The following LRP1B variants were observed in gnomAD, a reference collection of about 807,000 sequenced individuals.
LRP1B encodes the protein LDL receptor related protein 1B.
Under a neutral mutation model 556.6 loss-of-function variants are expected in LRP1B, and 217 were observed. That is an observed-to-expected ratio of 0.39 (90% CI 0.35 to 0.44). The LOEUF is 0.44. Ranked by LOEUF, LRP1B falls within the 20% of genes least tolerant of loss-of-function variation. The probability of loss-of-function intolerance (pLI) is 1.00; values close to 1 mark genes in which losing one functional copy is unlikely to be tolerated. For missense variants in LRP1B, 5,053 were observed against 5,620.8 expected (o/e 0.90, Z 3.23); for synonymous variants, 2,047 against 1,865.8 (o/e 1.10, Z -2.50).
chr2:142,110,679 T>G (rs1046092846), intron 1 of LRP1B, among the ~76,000 whole-genome samples: 4 of 152,192 alleles, frequency 2.6e-5, no homozygotes, highest in Non-Finnish European at 1.5e-5. Flanking sequence ...ATTAATTATA[T>G]TCATACAATT....
intron 16 of LRP1B, among the ~76,000 whole-genome samples, chr2:140,991,522 A>T (rs1697091961): frequency 6.6e-6 from 1 of 152,096 alleles, no homozygotes; most frequent in African/African-American, 2.4e-5. Context: ...TGCCTCACTT[A>T]TCTAATCACC....
chr2:141,601,400 G>A (rs944583278), intron 2 of LRP1B, among the ~76,000 whole-genome samples: 22 of 152,134 alleles, frequency 1.4e-4, no homozygotes, highest in African/African-American at 5.1e-4. Flanking sequence ...ACATATGAAT[G>A]CAGACAAATC....
intron 5 of LRP1B, among the ~76,000 whole-genome samples, chr2:141,237,384 T>C (rs1279200903): frequency 6.6e-6 from 1 of 150,378 alleles, no homozygotes; most frequent in Non-Finnish European, 1.5e-5. Flanking sequence ...TTCTGATTTC[T>C]ATATAGAGAC....
At chr2:140,311,217 A>T (rs906243159) in intron 83 of LRP1B, among the ~76,000 whole-genome samples, 6 of 151,846 alleles carry the variant, frequency 4.0e-5, no homozygotes, top group African/African-American at 1.2e-4. Flanking sequence ...TATCAAAAAC[A>T]TATGGCACGT....
rs533367600 is a variant in LRP1B, at chr2:141,364,419, C to T, written c.344-109778G>A. Among the ~76,000 whole-genome samples the T allele has an allele frequency of 4.8e-3, 717 of 150,864 alleles. 8 individuals are homozygous for T. The highest frequency in any genetic ancestry group is 0.016 in the African/African-American group (647 of 40,706). On this transcript the variant is annotated intron_variant, in intron 3 of 90. Coordinates refer to ENST00000389484, the MANE Select transcript of LRP1B (RefSeq NM_018557.3). ...TGGAATTATTAAATCATAACACACA[C>T]ACACACACATATATATATTTGTGAA... is the stretch of plus-strand genomic sequence containing the variant.
chr2:140,354,407 A>G (rs976629240), intron 75 of LRP1B, among the ~76,000 whole-genome samples: 1 of 152,014 alleles, frequency 6.6e-6, no homozygotes, highest in Non-Finnish European at 1.5e-5. Context: ...ATGACCACAC[A>G]TTGCTATTTG....
intron 15 of LRP1B, among the ~76,000 whole-genome samples, chr2:140,997,427 C>G (rs1697278650): frequency 6.6e-6 from 1 of 151,714 alleles, no homozygotes; most frequent in Non-Finnish European, 1.5e-5. Context: ...GGGAACTCAG[C>G]TCAGCTTCTG....
At chr2:140,514,587 G>A (rs2104931127) in intron 51 of LRP1B, 66 bp downstream of exon 51, 1 of 1,415,624 alleles carries the variant, frequency 7.1e-7, no homozygotes, top group Non-Finnish European at 9.4e-7. Flanking sequence ...TTTTGTGTAT[G>A]CTATAAAATG....
intron 2 of LRP1B, among the ~76,000 whole-genome samples, chr2:141,586,474 A>C (rs968199747): frequency 4.6e-5 from 7 of 152,208 alleles, no homozygotes; most frequent in African/African-American, 7.2e-5. Context: ...AATACATCTA[A>C]GGCATTTTAT....
Position 141,049,134 on chromosome 2 carries a change from T to C in LRP1B, c.1641A>G (p.Glu547=), listed in dbSNP as rs1353243187. The change falls in exon 11 of 91, where the codon GAA becomes GAG. Residue 547 remains glutamate (E), a synonymous_variant. Transcript: ENST00000389484. The part of the protein sequence containing the change: ...GMDLNTKIAD[E]YMIPIENLVN... ...CCAGATTTTCTATGGGGATCATGTATTCATCAGCTATCTTGGTATTCAAGT... is the reference window on the plus strand; with the variant it reads ...CCAGATTTTCTATGGGGATCATGTACTCATCAGCTATCTTGGTATTCAAGT... The C allele has an allele frequency of 1.9e-6, 3 of 1,613,616 alleles. No homozygotes were observed. The Admixed American group carries it at 5.0e-5, about 27-fold the overall frequency.
intron 1 of LRP1B, among the ~76,000 whole-genome samples, chr2:141,834,407 A>C (rs1450435891): frequency 2.0e-5 from 3 of 151,920 alleles, no homozygotes; most frequent in Admixed American, 2.0e-4. Flanking sequence ...AGATAGAAAC[A>C]AAGTGGCTAT....
intron 1 of LRP1B, among the ~76,000 whole-genome samples, chr2:142,079,499 C>CT (rs56306746): frequency 8.0e-5 from 12 of 150,942 alleles, no homozygotes; most frequent in Admixed American, 5.9e-4. Flanking sequence ...CTTTCTTTCT[C>CT]TTTTTTTTTA....
intron 32 of LRP1B, among the ~76,000 whole-genome samples, chr2:140,802,243 G>T (rs1172007203): frequency 6.6e-6 from 1 of 152,052 alleles, no homozygotes; most frequent in Non-Finnish European, 1.5e-5. Flanking sequence ...AATCACTAGG[G>T]ACTATTACTG....
chr2:140,598,659 C>T lies in LRP1B; in HGVS notation c.7166G>A (p.Arg2389Lys), dbSNP rs761131522. 6.2e-7 allele frequency: 1 copy of T among 1,613,570 alleles called. No individual in the cohort carries two copies. Among genetic ancestry groups the T allele is most frequent in the South Asian group, 1.1e-5 (1 of 91,064 alleles). Residue 2389 changes from arginine (R) to lysine (K), a missense_variant, in exon 43 of 91, where the codon AGG becomes AAG. Physicochemically the swap from Arg to Lys is conservative, Grantham distance 26. This residue lies in a region of LRP1B where 3,619 missense variants were observed against 3,931.9 expected (regional missense o/e 0.92). Transcript: ENST00000389484. ...TCTCTGGGATCCATCGTATTCACAC[C>T]TTTCAATTTTTCCTAGACTGCCATC... ...FSDGSLGKIE[R>K]CEYDGSQRHV...
chr2:141,065,161 C>A (rs1016507983), intron 7 of LRP1B, among the ~76,000 whole-genome samples: 2 of 151,866 alleles, frequency 1.3e-5, no homozygotes, highest in Non-Finnish European at 2.9e-5. Flanking sequence ...TACCCGTCAC[C>A]TAGATTCACC....
chr2:140,420,102 G>T (rs138319428), intron 66 of LRP1B, among the ~76,000 whole-genome samples: 479 of 151,416 alleles, frequency 3.2e-3, no homozygotes, highest in African/African-American at 0.011. Context: ...ATGAGCCGAT[G>T]CTAAAGCAGT....
intron 2 of LRP1B, among the ~76,000 whole-genome samples, chr2:141,699,775 A>C (rs989302794): frequency 1.1e-4 from 16 of 150,676 alleles, no homozygotes; most frequent in African/African-American, 3.9e-4. Flanking sequence ...CAAGCATGTG[A>C]ATATTTGCCG....
At chr2:141,069,035 G>A (rs1049523936) in intron 7 of LRP1B, among the ~76,000 whole-genome samples, 1 of 151,914 alleles carries the variant, frequency 6.6e-6, no homozygotes, top group African/African-American at 2.4e-5. Flanking sequence ...CATTAATAAT[G>A]AGCAGCAATT....
At position 141,275,909 on chromosome 2, in the gene LRP1B, C is replaced by CATAT. The variant is rs35525716; in HGVS notation, c.344-21272_344-21269dup. Reference sequence around the variant, plus strand: ...TTTGAATTTTAAGCCATGTAATGTACATATATATATATATACACATACACA... The same window carrying CATAT: ...TTTGAATTTTAAGCCATGTAATGTACATATATATATATATATATACACATACACA... On this transcript the variant is annotated intron_variant, in intron 3 of 90. Transcript: ENST00000389484. 2.1e-3 allele frequency among the ~76,000 whole-genome samples: 308 copies of CATAT among 150,010 alleles called. 1 individual carries two copies. Among genetic ancestry groups the CATAT allele is most frequent in the African/African-American group, 5.6e-3 (228 of 40,962 alleles).
Sources: allele counts gnomAD v4.1 joint callset (sites outside exome capture counted in the v4.1 genomes callset), GRCh38; gene constraint gnomAD v4.1.1; regional missense constraint gnomAD v4.1.1; transcripts MANE v1.5; gene names NCBI Gene and HGNC (gene_info 2026-07-23, HGNC 2026-07-21).